HCLS1: variants seen among roughly 807,000 people sequenced by gnomAD.
The protein encoded by HCLS1 is hematopoietic lineage cell-specific protein.
A neutral mutation model predicts 68.6 loss-of-function variants in HCLS1; 44 were observed. The ratio of observed to expected loss-of-function variants is 0.64; its 90% CI spans 0.50 to 0.82. The LOEUF (loss-of-function observed/expected upper bound fraction) is 0.82, where lower values mean the gene tolerates loss of function less well. Ranked by LOEUF, HCLS1 falls within the 40% of genes least tolerant of loss-of-function variation. The pLI is 0.00. For missense variants in HCLS1, 602 were observed against 612.1 expected (o/e 0.98, Z 0.17); for synonymous variants, 217 against 225.8 (o/e 0.96, Z 0.35).
At chr3:121,654,978 G>A (rs1244305606) in intron 3 of HCLS1, among the ~76,000 whole-genome samples, 1 of 152,186 alleles carries the variant, frequency 6.6e-6, no homozygotes, top group Admixed American at 6.5e-5. Context: ...ATGAGAATCA[G>A]AGAGGAAAAG....
intron 9 of HCLS1, among the ~76,000 whole-genome samples, chr3:121,635,184 TTCTC>T (rs1007537488): frequency 1.3e-5 from 2 of 148,322 alleles, no homozygotes; most frequent in Non-Finnish European, 3.0e-5. Context: ...CCACTTGACT[TTCTC>T]TCTTTCTTTC....
intron 3 of HCLS1, chr3:121,657,065 G>A (rs1937888851): frequency 2.1e-6 from 1 of 468,840 alleles, no homozygotes; most frequent in African/African-American, 1.9e-5. Flanking sequence ...ATAGATAATA[G>A]GGTTGAGGAG....
rs2049152412 is a variant in HCLS1 at position 121,636,449 on chromosome 3, C to T, written c.606G>A (p.Lys202=). 1 of 1,613,466 alleles carries T rather than the reference C, an allele frequency of 6.2e-7. No homozygotes were observed. The part of the protein sequence containing the change: ...KGFGGQYGIQ[K]DRVDKSAVGF... ...GGTGCTTTACCTTATCCACTCGGTC[C>T]TTCTGGATTCCATACTGGCCACCAA... The change falls in exon 8 of 14, where the codon AAG becomes AAA. Residue 202 remains lysine, a synonymous_variant. Coordinates refer to ENST00000314583, the MANE Select transcript of HCLS1 (RefSeq NM_005335.6).
intron 6 of HCLS1, among the ~76,000 whole-genome samples, chr3:121,641,586 A>G (rs2049199076): frequency 6.6e-6 from 1 of 152,026 alleles, no homozygotes; most frequent in Admixed American, 6.5e-5. Flanking sequence ...AGATGGAACC[A>G]ATATACTGAA....
At position 121,637,179 on chromosome 3, in the gene HCLS1, T is replaced by C. The variant is rs1385454760; in HGVS notation, c.532A>G (p.Lys178Glu). The change falls in exon 7 of 14, where the codon AAG (lysine) becomes GAG (glutamate). Residue 178 changes from lysine to glutamate, a missense_variant. Transcript: ENST00000314583. ...GACTCGTGTTTCTCCGTCTCTCCCTTGTAGTCATATCCCAGAGCTGCTTTG... is the reference window on the plus strand; with the variant it reads ...GACTCGTGTTTCTCCGTCTCTCCCTCGTAGTCATATCCCAGAGCTGCTTTG... The part of the protein sequence containing the change: ...WDKAALGYDY[K>E]GETEKHESQR... 2 of 1,613,786 alleles carry C rather than the reference T, an allele frequency of 1.2e-6. No individual in the cohort carries two copies. Among genetic ancestry groups the C allele is most frequent in the South Asian group, 1.1e-5 (1 of 91,044 alleles).
intron 4 of HCLS1, 130 bp downstream of exon 4, chr3:121,647,188 AG>A (rs1439645664): frequency 1.2e-6 from 1 of 854,266 alleles, no homozygotes; most frequent in East Asian, 2.5e-5. Context: ...TCACCGTGTT[AG>A]CCAGGATGGT....
chr3:121,637,215 C>T lies in HCLS1; in HGVS notation c.496G>A (p.Asp166Asn), dbSNP rs34767273. ...GFGGRYGVEK[D>N]KWDKAALGYD... The stretch of plus-strand genomic sequence containing the variant: ...CCCAGAGCTGCTTTGTCCCATTTAT[C>T]CTTCTCCACCCCGTACCGGCCACCA... Residue 166 changes from aspartate to asparagine, a missense_variant, in exon 7 of 14, where the codon GAT becomes AAT. Transcript: ENST00000314583. The T allele has an allele frequency of 6.8e-3, 11,032 of 1,613,996 alleles. 73 individuals are homozygous for T. The highest frequency in any genetic ancestry group is 8.6e-3 in the Middle Eastern group (52 of 6,062).
At chr3:121,636,200 G>A (rs964847246) in intron 8 of HCLS1, among the ~76,000 whole-genome samples, 2 of 152,170 alleles carry the variant, frequency 1.3e-5, no homozygotes, top group Admixed American at 6.5e-5. Context: ...CTTTCCCGGC[G>A]GTTTACCTGT....
intron 9 of HCLS1, among the ~76,000 whole-genome samples, chr3:121,635,274 T>C (rs867645929): frequency 8.9e-6 from 1 of 112,892 alleles, no homozygotes; most frequent in South Asian, 3.3e-4. Context: ...TCTCTCTCTC[T>C]CCTCTCTCTC....
rs1937641309 is a variant in HCLS1 at position 121,647,582 on chromosome 3, G to A, written c.159-134C>T. ...ACCTGGGCCCCCAAAATATACTAGT[G>A]ATGGGTCTGGAAGTAAAAGATCAGT... On this transcript the variant is annotated intron_variant, in intron 3 of 13. Coordinates refer to ENST00000314583, the MANE Select transcript of HCLS1 (RefSeq NM_005335.6). The A allele has an allele frequency of 1.2e-5, 9 of 780,368 alleles. No individual in the cohort carries two copies. The South Asian group carries it at 1.6e-4, about 14-fold the overall frequency. The allele number at this position is 780,368 out of a possible 1,614,324, so 48.3% of individuals were successfully genotyped here. A position where few individuals can be genotyped will look rare whatever the true frequency, so the allele number is the denominator to read the frequency against.
chr3:121,648,807 C>G (rs1028005310), intron 3 of HCLS1, among the ~76,000 whole-genome samples: 1 of 152,134 alleles, frequency 6.6e-6, no homozygotes, highest in African/African-American at 2.4e-5. Context: ...GCTGGAAGAA[C>G]CCCCTGTTCC....
chr3:121,657,573 T>C (rs563925638), intron 2 of HCLS1, among the ~76,000 whole-genome samples: 2 of 152,276 alleles, frequency 1.3e-5, no homozygotes, highest in Admixed American at 6.5e-5. Flanking sequence ...CCTAGCATTT[T>C]AGGAGGCCGA....
intron 1 of HCLS1, among the ~76,000 whole-genome samples, chr3:121,659,314 C>T (rs1374769831): frequency 6.6e-6 from 1 of 152,062 alleles, no homozygotes; most frequent in Non-Finnish European, 1.5e-5. Flanking sequence ...GAAGAAGTAA[C>T]AACAGACAAT....
chr3:121,637,370 G>A, intron 6 of HCLS1, 114 bp from the exon 7 acceptor site: 1 of 703,162 alleles, frequency 1.4e-6, no homozygotes, highest in Admixed American at 2.2e-5. Context: ...CCTGGGAAAA[G>A]AGCAGGGCTT....
intron 1 of HCLS1, among the ~76,000 whole-genome samples, chr3:121,660,472 A>G (rs1937967649): frequency 6.6e-6 from 1 of 152,172 alleles, no homozygotes; most frequent in African/African-American, 2.4e-5. Context: ...ATGCTCTTCA[A>G]GGGCAGACAC....
intron 4 of HCLS1, among the ~76,000 whole-genome samples, chr3:121,646,151 T>TATATA (rs10677529): frequency 0.75 from 83,346 of 110,874 alleles, 31,710 homozygotes; most frequent in East Asian, 0.86. Context: ...TATATAAGTA[T>TATATA]ATATATAATA....
intron 3 of HCLS1, among the ~76,000 whole-genome samples, chr3:121,647,802 C>T (rs1937646674): frequency 6.6e-6 from 1 of 152,140 alleles, no homozygotes; most frequent in South Asian, 2.1e-4. Context: ...TGCTTTCTAT[C>T]AATTAGAGGA....
chr3:121,635,197 TC>T (rs1392127036), intron 9 of HCLS1, among the ~76,000 whole-genome samples: 3 of 151,412 alleles, frequency 2.0e-5, no homozygotes, highest in Non-Finnish European at 4.4e-5. Flanking sequence ...TCTCTTTCTT[TC>T]TTTTCTTTCT....
rs1222222070 is a variant in HCLS1 at position 121,634,208 on chromosome 3, T to G, written c.902A>C (p.Glu301Ala). 6.2e-7 allele frequency: 1 copy of G among 1,613,972 alleles called. No homozygotes were observed. Among genetic ancestry groups the G allele is most frequent in the African/African-American group, 1.3e-5 (1 of 74,916 alleles). Reference protein sequence around the residue: ...PAPLPKKISSEAWPPVGTPPS... With the variant: ...PAPLPKKISSAAWPPVGTPPS... ...GATCCCAGAGGGCCAGGCGCTCACCTCTGAGGAGATTTTCTTGGGCAGTGG... is the reference window on the plus strand; with the variant it reads ...GATCCCAGAGGGCCAGGCGCTCACCGCTGAGGAGATTTTCTTGGGCAGTGG... The change falls in exon 10 of 14, where the codon GAG (glutamate) becomes GCG (alanine). Residue 301 changes from glutamate to alanine, a missense_variant and splice_region_variant. By Grantham distance (107) the Glu-to-Ala change is moderately radical (BLOSUM62 -1). Coordinates refer to ENST00000314583, the MANE Select transcript of HCLS1 (RefSeq NM_005335.6).
Sources: allele counts gnomAD v4.1 joint callset (sites outside exome capture counted in the v4.1 genomes callset), GRCh38; gene constraint gnomAD v4.1.1; transcripts MANE v1.5; gene names NCBI Gene and HGNC (gene_info 2026-07-23, HGNC 2026-07-21).